The following KMO variants were observed in gnomAD, a reference collection of about 807,000 sequenced individuals.
KMO encodes kynurenine 3-hydroxylase.
In KMO, 24 loss-of-function variants were observed where a neutral mutation model predicts 57.8. That is an observed-to-expected ratio of 0.42 (90% CI 0.30 to 0.58). The LOEUF is 0.58. KMO is among the 20% of genes least tolerant of loss of function. The pLI, the probability that KMO is intolerant of heterozygous loss-of-function variation, is 0.22. For missense variants in KMO, 483 were observed against 588.2 expected (o/e 0.82, Z 1.85); for synonymous variants, 210 against 193.6 (o/e 1.08, Z -0.70).
chr1:241,539,403 G>A (rs1400188897), intron 1 of KMO, among the ~76,000 whole-genome samples: 4 of 128,770 alleles, frequency 3.1e-5, no homozygotes, highest in African/African-American at 1.4e-4. Context: ...CCAGAAAGCA[G>A]CAATAGCTAC....
In KMO at chr1:241,594,858, G is replaced by A. The variant is rs1413496559; in HGVS notation, c.*2705G>A. ...TCAGATCTACCTAAATCACCCCAGA[G>A]CTTTATGTCTTTTATTCATTCTAAT... On this transcript the variant is annotated 3_prime_UTR_variant, in exon 15 of 15. Coordinates refer to ENST00000366559, the MANE Select transcript of KMO (RefSeq NM_003679.5). 1.5e-6 allele frequency: 1 copy of A among 669,850 alleles called. No individual in the cohort carries two copies. The highest frequency in any genetic ancestry group is 1.8e-5 in the African/African-American group (1 of 55,144). 41.5% of individuals were successfully genotyped at this position (669,850 alleles called of 1,614,324 possible).
Position 241,552,175 on chromosome 1 carries a change from T to A in KMO, c.312+1131T>A, listed in dbSNP as rs573934849. Among the ~76,000 whole-genome samples, 24 of 111,084 alleles carry A rather than the reference T, an allele frequency of 2.2e-4. 1 individual carries two copies. The South Asian group carries it at 3.1e-3, about 14-fold the overall frequency. 72.9% of individuals were successfully genotyped at this position (111,084 alleles called of 152,430 possible). ...GTGTGTGTGTGAGTGTGAGTGTGTGTGAGAGAGAGAGAGAGAGAGAGAGAA... is the reference window on the plus strand; with the variant it reads ...GTGTGTGTGTGAGTGTGAGTGTGTGAGAGAGAGAGAGAGAGAGAGAGAGAA... On this transcript the variant is annotated intron_variant, in intron 4 of 14. Transcript: ENST00000366559.
chr1:241,550,909 T>G (rs1661369694), intron 3 of KMO, 46 bp from the exon 4 acceptor site: 2 of 838,842 alleles, frequency 2.4e-6, no homozygotes, highest in East Asian at 5.8e-5. Flanking sequence ...TCTTGCATAA[T>G]GCCATGTTAC....
chr1:241,543,305 T>C (rs983614962), intron 1 of KMO, among the ~76,000 whole-genome samples: 1 of 152,192 alleles, frequency 6.6e-6, no homozygotes, highest in African/African-American at 2.4e-5. Context: ...ATTTATCTCA[T>C]GTATACACGT....
chr1:241,553,316 T>C (rs1245130469), intron 4 of KMO, among the ~76,000 whole-genome samples: 3 of 152,232 alleles, frequency 2.0e-5, no homozygotes, highest in African/African-American at 7.2e-5. Context: ...CATTCTGGTG[T>C]TCCTGCAGGG....
In KMO at chr1:241,545,658, C is replaced by CAG. The variant is rs1412465454; in HGVS notation, c.55-3170_55-3169dup. Among the ~76,000 whole-genome samples, 21 of 152,280 alleles carry CAG rather than the reference C, an allele frequency of 1.4e-4. No homozygotes were observed. The South Asian group carries it at 4.4e-3, about 32-fold the overall frequency. On this transcript the variant is annotated intron_variant, in intron 1 of 14. Coordinates refer to ENST00000366559, the MANE Select transcript of KMO (RefSeq NM_003679.5). ...ATCTCCAAATAATGTCACATTCTTA[C>CAG]AGTACTGGGGGTTAGGACTTGAACA...
rs12405623 is a variant in KMO, at chr1:241,593,880, C to T, written c.*1727C>T. On this transcript the variant is annotated 3_prime_UTR_variant, in exon 15 of 15. Coordinates refer to ENST00000366559, the MANE Select transcript of KMO (RefSeq NM_003679.5). Reference sequence around the variant, plus strand: ...CAGGCTGACAAGGATTCAAAGTTGTCTCTGAAACTCCTCTTTGTCATACTG... The same window carrying T: ...CAGGCTGACAAGGATTCAAAGTTGTTTCTGAAACTCCTCTTTGTCATACTG... 0.02 allele frequency: 3,026 copies of T among 153,882 alleles called. 32 individuals are homozygous for T. The highest frequency in any genetic ancestry group is 0.044 in the Admixed American group (689 of 15,586). The allele number at this position is 153,882 out of a possible 1,614,324, so 9.5% of individuals were successfully genotyped here.
intron 6 of KMO, among the ~76,000 whole-genome samples, chr1:241,561,683 G>T (rs995338866): frequency 1.3e-5 from 2 of 152,086 alleles, no homozygotes; most frequent in African/African-American, 4.8e-5. Context: ...TTTCCCTTTT[G>T]CCAGAATAAT....
intron 10 of KMO, among the ~76,000 whole-genome samples, chr1:241,573,154 AT>A (rs1433177455): frequency 6.6e-6 from 1 of 151,812 alleles, no homozygotes; most frequent in East Asian, 1.9e-4. Flanking sequence ...TACAGTTTGT[AT>A]TTTTTGCTAA....
intron 3 of KMO, among the ~76,000 whole-genome samples, chr1:241,550,691 C>T (rs1252149294): frequency 6.6e-6 from 1 of 152,148 alleles, no homozygotes; most frequent in African/African-American, 2.4e-5. Context: ...AACAACAAAT[C>T]ACTTCCCTCA....
intron 11 of KMO, 127 bp from the exon 12 acceptor site, chr1:241,588,621 A>G: frequency 1.6e-6 from 1 of 612,810 alleles, no homozygotes; most frequent in East Asian, 2.8e-5. Flanking sequence ...GTTATACAGA[A>G]TGGTTATTTA....
intron 14 of KMO, among the ~76,000 whole-genome samples, chr1:241,590,727 A>G (rs1169359405): frequency 6.6e-6 from 1 of 151,340 alleles, no homozygotes; most frequent in Non-Finnish European, 1.5e-5. Flanking sequence ...GGATTTTACA[A>G]CGTCATTTAT....
At chr1:241,555,137 C>T (rs576761860) in intron 4 of KMO, among the ~76,000 whole-genome samples, 3 of 152,222 alleles carry the variant, frequency 2.0e-5, no homozygotes, top group Admixed American at 2.0e-4. Flanking sequence ...ATCCCTGCCA[C>T]AACCAACACA....
intron 10 of KMO, among the ~76,000 whole-genome samples, chr1:241,575,274 C>T (rs997887790): frequency 6.6e-6 from 1 of 151,986 alleles, no homozygotes; most frequent in Non-Finnish European, 1.5e-5. Flanking sequence ...TAGTTCTCCT[C>T]CGATCTTTGT....
intron 8 of KMO, among the ~76,000 whole-genome samples, chr1:241,565,826 G>A (rs754283010): frequency 5.9e-5 from 9 of 152,064 alleles, no homozygotes; most frequent in Non-Finnish European, 8.8e-5. Context: ...GTTTCTGTTG[G>A]TATCTGTCCT....
At chr1:241,584,100 G>A (rs1662869353) in intron 10 of KMO, among the ~76,000 whole-genome samples, 1 of 152,032 alleles carries the variant, frequency 6.6e-6, no homozygotes, top group African/African-American at 2.4e-5. Flanking sequence ...ATTTACATTA[G>A]GTATTTCTCC....
At chr1:241,569,629 A>T (rs906528998) in intron 10 of KMO, among the ~76,000 whole-genome samples, 4 of 152,084 alleles carry the variant, frequency 2.6e-5, no homozygotes, top group African/African-American at 9.7e-5. Context: ...GGGAGTGCAG[A>T]TATCTCTTCA....
chr1:241,562,099 C>G, intron 6 of KMO, 68 bp from the exon 7 acceptor site: 2 of 1,376,174 alleles, frequency 1.5e-6, no homozygotes, highest in South Asian at 2.5e-5. Context: ...CTTCTCATAC[C>G]CAGAGGTACA....
intron 10 of KMO, among the ~76,000 whole-genome samples, chr1:241,585,629 C>T (rs574811904): frequency 1.2e-4 from 18 of 151,464 alleles, no homozygotes; most frequent in African/African-American, 4.1e-4. Flanking sequence ...TGGTGGTGCA[C>T]GCCTGTAATC....
Sources: allele counts gnomAD v4.1 joint callset (sites outside exome capture counted in the v4.1 genomes callset), GRCh38; gene constraint gnomAD v4.1.1; transcripts MANE v1.5; gene names NCBI Gene and HGNC (gene_info 2026-07-23, HGNC 2026-07-21).